The following SPOP variants were observed in gnomAD, a reference collection of about 807,000 sequenced individuals.
The protein encoded by SPOP is speckle-type POZ protein.
SPOP carries 11 observed loss-of-function variants against 45.6 expected under a neutral mutation model. The observed-to-expected ratio is 0.24, with a 90% CI of 0.15 to 0.40. The LOEUF (loss-of-function observed/expected upper bound fraction) is 0.40. Among genes scored for constraint, SPOP ranks in the 10% least tolerant of loss-of-function variants. The pLI is 1.00. For synonymous variants in SPOP, 166 were observed against 166.3 expected (o/e 1.00, Z 0.01); for missense variants, 152 against 465.6 (o/e 0.33, Z 6.20).
intron 5 of SPOP, among the ~76,000 whole-genome samples, chr17:49,614,015 A>C (rs2072030291): frequency 6.6e-6 from 1 of 152,212 alleles, no homozygotes; most frequent in Non-Finnish European, 1.5e-5. Context: ...CCTTAACTTC[A>C]AGTTGTAAAA....
At chr17:49,604,848 T>C (rs564690148) in intron 8 of SPOP, among the ~76,000 whole-genome samples, 31 of 152,316 alleles carry the variant, frequency 2.0e-4, no homozygotes, top group Non-Finnish European at 3.7e-4. Flanking sequence ...CAATGTGCGT[T>C]TTGGGGACCA....
chr17:49,660,037 C>T (rs532165163), intron 1 of SPOP, among the ~76,000 whole-genome samples: 219 of 152,366 alleles, frequency 1.4e-3, no homozygotes, highest in Non-Finnish European at 2.3e-3. Flanking sequence ...CTAAGTCCCA[C>T]CTGCAGAGAT....
At position 49,622,818 on chromosome 17, in the gene SPOP, T is replaced by G. The variant is rs530576210; in HGVS notation, c.-8A>C. On this transcript the variant is annotated 5_prime_UTR_variant, in exon 2 of 10. Transcript: ENST00000504102. ...ACTTGGAACCCTTGACATCGCCAGT[T>G]TGAAGGTTAAACGAGATTTCCAAAG... 6.2e-7 allele frequency: 1 copy of G among 1,613,838 alleles called. No homozygotes were observed. The highest frequency in any genetic ancestry group is 1.3e-5 in the African/African-American group (1 of 75,040).
intron 1 of SPOP, among the ~76,000 whole-genome samples, chr17:49,632,383 T>C (rs1163513608): frequency 6.6e-6 from 1 of 151,926 alleles, no homozygotes; most frequent in Non-Finnish European, 1.5e-5. Flanking sequence ...CACAAGACAA[T>C]AGTGAGAAAA....
intron 1 of SPOP, among the ~76,000 whole-genome samples, chr17:49,669,938 A>C (rs989777177): frequency 2.0e-5 from 3 of 152,200 alleles, no homozygotes; most frequent in Non-Finnish European, 2.9e-5. Context: ...CCTCTTACAA[A>C]TAAATAGATA....
At position 49,628,378 on chromosome 17, in the gene SPOP, T is replaced by C. The variant is rs552064872; in HGVS notation, c.-66-5502A>G. Among the ~76,000 whole-genome samples the C allele has an allele frequency of 3.3e-5, 5 of 152,306 alleles. No homozygotes were observed. In the South Asian group the frequency reaches 8.3e-4, roughly 25 times the overall value. On this transcript the variant is annotated intron_variant, in intron 1 of 9. Coordinates refer to ENST00000504102, the MANE Select transcript of SPOP (RefSeq NM_001007228.2). ...AATACTGCTTAATTTCCAACGAAGG[T>C]AGTATCAGCTAGCAACTAATAAAAA... is the stretch of plus-strand genomic sequence containing the variant.
chr17:49,648,761 A>T (rs1164457203), intron 1 of SPOP, among the ~76,000 whole-genome samples: 3 of 151,712 alleles, frequency 2.0e-5, no homozygotes, highest in Non-Finnish European at 2.9e-5. Context: ...TTGGATGTAA[A>T]TTTTTTTTCT....
chr17:49,648,906 C>T (rs1216270699), intron 1 of SPOP, among the ~76,000 whole-genome samples: 1 of 151,970 alleles, frequency 6.6e-6, no homozygotes, highest in Non-Finnish European at 1.5e-5. Context: ...TACAGGCGCC[C>T]GCCACCACGC....
chr17:49,672,257 G>C (rs913093810), intron 1 of SPOP, among the ~76,000 whole-genome samples: 1 of 152,152 alleles, frequency 6.6e-6, no homozygotes, highest in African/African-American at 2.4e-5. Context: ...AAAAACCAAT[G>C]AATTAACTGA....
chr17:49,600,110 G>A lies in SPOP; in HGVS notation c.*268C>T, dbSNP rs921956967. The A allele has an allele frequency of 6.4e-6, 3 of 466,796 alleles. No homozygotes were observed. Among genetic ancestry groups the A allele is most frequent in the Middle Eastern group, 1.2e-3 (2 of 1,710 alleles). The allele number at this position is 466,796 out of a possible 1,614,324, so 28.9% of individuals were successfully genotyped here. ...CCACCGCTGGGATATCCTCGGGCCA[G>A]CGCCTAAACTGAATCCCCACAGTAT... is the stretch of plus-strand genomic sequence containing the variant. On this transcript the variant is annotated 3_prime_UTR_variant, in exon 10 of 10. Coordinates refer to ENST00000504102, the MANE Select transcript of SPOP (RefSeq NM_001007228.2). The surrounding 1 kb of genome is among the most constrained non-coding windows in gnomAD (Gnocchi z 4.2).
At chr17:49,630,134 G>A (rs924152162) in intron 1 of SPOP, among the ~76,000 whole-genome samples, 1 of 152,128 alleles carries the variant, frequency 6.6e-6, no homozygotes. Flanking sequence ...TTTTCAACCC[G>A]AGATGTTTGC....
intron 6 of SPOP, among the ~76,000 whole-genome samples, chr17:49,609,247 T>A (rs1192990330): frequency 6.6e-6 from 1 of 152,170 alleles, no homozygotes; most frequent in Non-Finnish European, 1.5e-5. Flanking sequence ...CTTGGGCAAA[T>A]CACTTAACCC....
Position 49,600,715 on chromosome 17 carries a change from C to A in SPOP, c.981-193G>T. On this transcript the variant is annotated intron_variant, in intron 9 of 9. Coordinates refer to ENST00000504102, the MANE Select transcript of SPOP (RefSeq NM_001007228.2). The surrounding 1 kb of genome is among the most constrained non-coding windows in gnomAD (Gnocchi z 4.2). ...CTGGTGACTTGCCTGTGGCTGTCGTCATCTGAAAACCAAGACTTTGAGCCA... is the reference window on the plus strand; with the variant it reads ...CTGGTGACTTGCCTGTGGCTGTCGTAATCTGAAAACCAAGACTTTGAGCCA... 2 of 602,766 alleles carry A rather than the reference C, an allele frequency of 3.3e-6. No homozygotes were observed. The highest frequency in any genetic ancestry group is 4.3e-5 in the South Asian group (2 of 46,516). 37.3% of individuals were successfully genotyped at this position (602,766 alleles called of 1,614,324 possible).
Position 49,627,040 on chromosome 17 carries a change from A to G in SPOP, c.-66-4164T>C, listed in dbSNP as rs566060046. On this transcript the variant is annotated intron_variant, in intron 1 of 9. Transcript: ENST00000504102. ...AATTTTTTGTGTTTTTAGTAGAGAC[A>G]GGGTTTCACCATGTTAGCCAGGATG... Among the ~76,000 whole-genome samples the G allele has an allele frequency of 5.0e-4, 76 of 152,164 alleles. No individual in the cohort carries two copies. The East Asian group carries it at 6.2e-3, about 12-fold the overall frequency.
intron 1 of SPOP, among the ~76,000 whole-genome samples, chr17:49,674,911 AG>A (rs1396287894): frequency 2.0e-5 from 3 of 152,216 alleles, no homozygotes; most frequent in Non-Finnish European, 2.9e-5. Context: ...CAAAACAGTG[AG>A]GTATTTATAC....
chr17:49,607,852 A>G (rs373874286), intron 7 of SPOP, 22 bp downstream of exon 7: 249 of 1,606,278 alleles, frequency 1.6e-4, no homozygotes, highest in Non-Finnish European at 2.1e-4. Flanking sequence ...CTAAACAGAC[A>G]TGTCTTCATC....
chr17:49,659,044 G>A (rs1159464961), intron 1 of SPOP, among the ~76,000 whole-genome samples: 1 of 152,190 alleles, frequency 6.6e-6, no homozygotes, highest in African/African-American at 2.4e-5. Context: ...TATGCTGGAA[G>A]AATAGAAAGA....
intron 1 of SPOP, among the ~76,000 whole-genome samples, chr17:49,652,955 A>C (rs1212034978): frequency 2.6e-5 from 4 of 152,198 alleles, no homozygotes; most frequent in Non-Finnish European, 5.9e-5. Context: ...CCAAAAATCA[A>C]TCCTTCACAA....
intron 1 of SPOP, among the ~76,000 whole-genome samples, chr17:49,675,095 T>A (rs1443608890): frequency 6.6e-6 from 1 of 152,196 alleles, no homozygotes; most frequent in Admixed American, 6.5e-5. Flanking sequence ...AAGCATTTAG[T>A]AATACCTAAC....
Sources: gnomAD v4.1 joint callset for allele counts (sites outside exome capture counted in the v4.1 genomes callset) on GRCh38, gnomAD v4.1.1 for gene constraint, Gnocchi (gnomAD v3.1) non-coding constraint, MANE v1.5 for transcripts, NCBI Gene and HGNC (gene_info 2026-07-23, HGNC 2026-07-21) for gene names.